The following SLC25A36 variants were observed in gnomAD, a reference collection of about 807,000 sequenced individuals.
The protein encoded by SLC25A36 is epididymis secretory sperm binding protein.
A neutral mutation model predicts 35.3 loss-of-function variants in SLC25A36; 24 were observed. The observed-to-expected ratio is 0.68, with a 90% CI of 0.49 to 0.96. SLC25A36 has a LOEUF of 0.96. Ranked by LOEUF, SLC25A36 falls within the 40% of genes least tolerant of loss-of-function variation. The pLI is 0.00. For synonymous variants in SLC25A36, 141 were observed against 132.2 expected, an observed-to-expected ratio of 1.07 and a Z score of -0.46; for missense variants, 294 against 381.1, an observed-to-expected ratio of 0.77 and a Z score of 1.90.
At chr3:140,946,409 C>T (rs1934166874) in intron 1 of SLC25A36, among the ~76,000 whole-genome samples, 1 of 152,144 alleles carries the variant, frequency 6.6e-6, no homozygotes, top group African/African-American at 2.4e-5. Flanking sequence ...GGACTTTGAC[C>T]TTTTCTATTG....
chr3:140,966,265 G>A, intron 4 of SLC25A36: 1 of 205,302 alleles, frequency 4.9e-6, no homozygotes, highest in Non-Finnish European at 1.0e-5. Context: ...TTTGTCCATG[G>A]CAGTTAATTC....
intron 1 of SLC25A36, among the ~76,000 whole-genome samples, chr3:140,953,571 T>C (rs1934388211): frequency 6.6e-6 from 1 of 152,184 alleles, no homozygotes; most frequent in Admixed American, 6.5e-5. Context: ...TTTGTCAAGG[T>C]ATCGTTTACA....
At chr3:140,974,243 C>G (rs554234634) in intron 6 of SLC25A36, among the ~76,000 whole-genome samples, 54 of 152,146 alleles carry the variant, frequency 3.5e-4, no homozygotes, top group Admixed American at 1.1e-3. Context: ...TCCAGCCTTA[C>G]TCACTTCAGC....
intron 3 of SLC25A36, 43 bp downstream of exon 3, chr3:140,959,583 T>G (rs1390238524): frequency 3.1e-6 from 3 of 981,056 alleles, no homozygotes; most frequent in Admixed American, 3.9e-5. Context: ...TATGGCAATC[T>G]CTTTTGTTTC....
In SLC25A36 at chr3:140,941,846, G is replaced by A; in HGVS notation, c.-209G>A. The A allele has an allele frequency of 1.9e-6, 1 of 515,534 alleles. No individual in the cohort carries two copies. The highest frequency in any genetic ancestry group is 3.5e-6 in the Non-Finnish European group (1 of 288,790). The allele number at this position is 515,534 out of a possible 1,614,324, so 31.9% of individuals were successfully genotyped here. ...CGCTGCGTCGCTTTCAGCCTCTGGT[G>A]AAGGGCGGCGCGCTTAGGCAGGCGG... On this transcript the variant is annotated 5_prime_UTR_variant, in exon 1 of 7. Transcript: ENST00000324194.
At chr3:140,960,743 G>C (rs1201891108) in intron 3 of SLC25A36, among the ~76,000 whole-genome samples, 1 of 152,170 alleles carries the variant, frequency 6.6e-6, no homozygotes, top group Non-Finnish European at 1.5e-5. Flanking sequence ...CCATGTGTAG[G>C]TGCAAAGGAC....
At chr3:140,949,133 A>G (rs569281155) in intron 1 of SLC25A36, among the ~76,000 whole-genome samples, 45 of 152,348 alleles carry the variant, frequency 3.0e-4, no homozygotes, top group African/African-American at 1.0e-3. Context: ...TTCAAAAACA[A>G]AAAAACACTA....
chr3:140,962,096 T>C (rs1934645977), intron 3 of SLC25A36, among the ~76,000 whole-genome samples: 1 of 152,134 alleles, frequency 6.6e-6, no homozygotes, highest in South Asian at 2.1e-4. Flanking sequence ...CATTTTCTCA[T>C]TAGGATTTCT....
At chr3:140,951,487 T>C (rs540338127) in intron 1 of SLC25A36, among the ~76,000 whole-genome samples, 94 of 151,870 alleles carry the variant, frequency 6.2e-4, no homozygotes, top group African/African-American at 2.3e-3. Flanking sequence ...ATTTACTTAT[T>C]TATTTATTTT....
intron 4 of SLC25A36, 141 bp downstream of exon 4, chr3:140,963,368 C>A: frequency 1.7e-6 from 1 of 576,862 alleles, no homozygotes; most frequent in Non-Finnish European, 2.9e-6. Flanking sequence ...CGATATAAAC[C>A]AAATTAGGTA....
At chr3:140,958,968 G>A (rs1157584075) in intron 2 of SLC25A36, among the ~76,000 whole-genome samples, 3 of 111,348 alleles carry the variant, frequency 2.7e-5, no homozygotes, top group Non-Finnish European at 3.5e-5. Context: ...TTTTGTGTGT[G>A]TGTGTGTGTG....
chr3:140,942,156 G>T (rs1418327634), intron 1 of SLC25A36, 61 bp downstream of exon 1: 1 of 298,650 alleles, frequency 3.3e-6, no homozygotes, highest in Non-Finnish European at 5.8e-6. Context: ...AGACGCAGGC[G>T]AGGGGGGCGA....
intron 6 of SLC25A36, among the ~76,000 whole-genome samples, chr3:140,975,200 A>G (rs910361392): frequency 1.4e-5 from 2 of 139,710 alleles, no homozygotes; most frequent in Non-Finnish European, 3.0e-5. Context: ...CTTGAACTCC[A>G]AGGCTCAATT....
At chr3:140,949,961 T>C (rs1208711289) in intron 1 of SLC25A36, among the ~76,000 whole-genome samples, 1 of 152,228 alleles carries the variant, frequency 6.6e-6, no homozygotes, top group Non-Finnish European at 1.5e-5. Context: ...AATGAGTGCC[T>C]GCTTCTACTC....
At chr3:140,965,998 A>G (rs1934748771) in intron 4 of SLC25A36, 1 of 152,092 alleles carries the variant, frequency 6.6e-6, no homozygotes, top group South Asian at 2.1e-4. Flanking sequence ...TATATAGAAC[A>G]TTATAAATGT....
At chr3:140,942,435 A>T (rs912707003) in intron 1 of SLC25A36, 13 of 208,684 alleles carry the variant, frequency 6.2e-5, no homozygotes, top group African/African-American at 3.0e-4. Flanking sequence ...GTCTGAGGAG[A>T]CGCGGGCAAG....
intron 5 of SLC25A36, among the ~76,000 whole-genome samples, chr3:140,971,250 CAG>C (rs138824418): frequency 0.013 from 1,968 of 152,092 alleles, 23 homozygotes; most frequent in Non-Finnish European, 0.021. Context: ...CATAGAGAAA[CAG>C]AAAGGAAAGA....
At chr3:140,966,518 G>T (rs1378544171) in intron 4 of SLC25A36, 22 of 158,916 alleles carry the variant, frequency 1.4e-4, no homozygotes, top group East Asian at 3.6e-4. Context: ...TATTCTGTTG[G>T]TTTTTTTTTT....
intron 4 of SLC25A36, chr3:140,967,910 G>T (rs1934804025): frequency 1.2e-6 from 1 of 852,210 alleles, no homozygotes; most frequent in Non-Finnish European, 1.4e-6. Context: ...TGTTTCACTA[G>T]GTGCTCAGAA....
Sources: gnomAD v4.1 joint callset for allele counts (sites outside exome capture counted in the v4.1 genomes callset) on GRCh38, gnomAD v4.1.1 for gene constraint, MANE v1.5 for transcripts, NCBI Gene and HGNC (gene_info 2026-07-23, HGNC 2026-07-21) for gene names.